The following MRPL30 variants were observed in gnomAD, a reference collection of about 807,000 sequenced individuals.
The protein encoded by MRPL30 is mitochondrial ribosomal protein L30, also known as large ribosomal subunit protein uL30m.
A neutral mutation model predicts 17.2 loss-of-function variants in MRPL30; 10 were observed. The observed-to-expected ratio is 0.58, with a 90% CI of 0.36 to 0.99. The LOEUF (loss-of-function observed/expected upper bound fraction) is 0.99, where lower values mean the gene tolerates loss of function less well. Among genes scored for constraint, MRPL30 ranks in the 50% least tolerant of loss-of-function variants. The pLI, the probability that MRPL30 is intolerant of heterozygous loss-of-function variation, is 0.01. For missense variants in MRPL30, 170 were observed against 189.8 expected, an observed-to-expected ratio of 0.90 and a Z score of 0.61; for synonymous variants, 61 against 62.1, an observed-to-expected ratio of 0.98 and a Z score of 0.08.
At chr2:99,182,512 G>C (rs183512577) in intron 1 of MRPL30, among the ~76,000 whole-genome samples, 3 of 152,244 alleles carry the variant, frequency 2.0e-5, no homozygotes, top group Admixed American at 1.3e-4. Context: ...CCCAGATCGT[G>C]CCACTGCACT....
intron 5 of MRPL30, 138 bp from the exon 6 acceptor site, chr2:99,195,433 ATT>A: frequency 9.6e-7 from 1 of 1,041,986 alleles, no homozygotes; most frequent in South Asian, 1.6e-5. Flanking sequence ...GACATTTACC[ATT>A]TCTTCATGTT....
At chr2:99,182,852 T>C (rs2093927533) in intron 1 of MRPL30, among the ~76,000 whole-genome samples, 1 of 152,184 alleles carries the variant, frequency 6.6e-6, no homozygotes, top group Admixed American at 6.5e-5. Flanking sequence ...AACAACAAAA[T>C]CTAAAAACCC....
chr2:99,187,993 A>G (rs116262315), intron 2 of MRPL30, among the ~76,000 whole-genome samples, 184 bp from the exon 3 acceptor site: 2,383 of 152,300 alleles, frequency 0.016, 52 homozygotes, highest in African/African-American at 0.053. Context: ...GTATATTTAT[A>G]TGCTTTTAGC....
At chr2:99,183,028 G>A (rs543128518) in intron 1 of MRPL30, among the ~76,000 whole-genome samples, 19 of 152,140 alleles carry the variant, frequency 1.2e-4, no homozygotes, top group Non-Finnish European at 2.4e-4. Context: ...TGTGATCTGG[G>A]TTGACCTCAT....
rs2093955724 is a variant in MRPL30, at chr2:99,196,694, C to T, written c.*989C>T. ...TGCAAGGTGTTGGAGAAATCCAAAG[C>T]TGACCAAAACATGGTCCCCACCTTT... On this transcript the variant is annotated 3_prime_UTR_variant, in exon 6 of 6. Coordinates refer to ENST00000338148, the MANE Select transcript of MRPL30 (RefSeq NM_145212.4). 2.0e-5 allele frequency: 3 copies of T among 152,232 alleles called. No individual in the cohort carries two copies. In the South Asian group the frequency reaches 6.2e-4, roughly 32 times the overall value. 9.4% of individuals were successfully genotyped at this position (152,232 alleles called of 1,614,324 possible). A position where few individuals can be genotyped will look rare whatever the true frequency, so the allele number is the denominator to read the frequency against.
chr2:99,187,906 G>T (rs2093936686), intron 2 of MRPL30, among the ~76,000 whole-genome samples: 1 of 152,152 alleles, frequency 6.6e-6, no homozygotes, highest in Admixed American at 6.5e-5. Flanking sequence ...TGGCAATGGA[G>T]ACTACATAGC....
intron 3 of MRPL30, among the ~76,000 whole-genome samples, chr2:99,194,177 C>T (rs547998425): frequency 4.5e-4 from 68 of 152,126 alleles, no homozygotes; most frequent in African/African-American, 1.6e-3. Context: ...CAGTGTTACA[C>T]ATAGTGTTAG....
intron 3 of MRPL30, among the ~76,000 whole-genome samples, chr2:99,192,801 G>A (rs1306773877): frequency 3.3e-5 from 5 of 152,136 alleles, no homozygotes; most frequent in Admixed American, 3.3e-4. Flanking sequence ...GATCCTTGAG[G>A]AATCACCACA....
intron 1 of MRPL30, among the ~76,000 whole-genome samples, chr2:99,182,506 G>T (rs2093926191): frequency 6.6e-6 from 1 of 152,268 alleles, no homozygotes; most frequent in Non-Finnish European, 1.5e-5. Flanking sequence ...AGTGAACCCA[G>T]ATCGTGCCAC....
chr2:99,184,919 C>T (rs1040658459), intron 1 of MRPL30, among the ~76,000 whole-genome samples: 7 of 152,154 alleles, frequency 4.6e-5, no homozygotes, highest in Admixed American at 2.0e-4. Context: ...TGAATTACAA[C>T]ACTTAGCCTA....
chr2:99,191,454 G>A (rs575657250), intron 3 of MRPL30, among the ~76,000 whole-genome samples: 1 of 152,270 alleles, frequency 6.6e-6, no homozygotes, highest in South Asian at 2.1e-4. Flanking sequence ...ATAAAAAAGA[G>A]GGTGCGTCTC....
intron 1 of MRPL30, among the ~76,000 whole-genome samples, chr2:99,182,326 C>T (rs1246881201): frequency 6.6e-6 from 1 of 152,152 alleles, no homozygotes; most frequent in Non-Finnish European, 1.5e-5. Context: ...GAGGCCGAGG[C>T]GGGAGGATCA....
chr2:99,190,680 T>TA (rs2093943481), intron 3 of MRPL30, among the ~76,000 whole-genome samples: 1 of 152,248 alleles, frequency 6.6e-6, no homozygotes, highest in Admixed American at 6.5e-5. Context: ...GAAGGATAGA[T>TA]ACAAATGTTG....
chr2:99,181,774 G>A (rs1026755041), intron 1 of MRPL30, among the ~76,000 whole-genome samples: 5 of 151,846 alleles, frequency 3.3e-5, no homozygotes, highest in African/African-American at 1.2e-4. Flanking sequence ...TGCCCTTTTT[G>A]CCAAGAGGCA....
At position 99,195,176 on chromosome 2, in the gene MRPL30, A is replaced by G. The variant is rs1277417966; in HGVS notation, c.340A>G (p.Lys114Glu). The G allele has an allele frequency of 6.2e-7, 1 of 1,607,238 alleles. No individual in the cohort carries two copies. Among genetic ancestry groups the G allele is most frequent in the Non-Finnish European group, 8.5e-7 (1 of 1,176,668 alleles). Residue 114 changes from lysine to glutamate, a missense_variant, in exon 5 of 6, where the codon AAG becomes GAG. Lys to Glu is a moderately conservative substitution (Grantham distance 56). Transcript: ENST00000338148. ...AGTGAATGCAAAATTGAAAGTAGTTAAGCATTTGATAAGGTTTGTTGTTTC... is the reference window on the plus strand; with the variant it reads ...AGTGAATGCAAAATTGAAAGTAGTTGAGCATTTGATAAGGTTTGTTGTTTC... ...PSVNAKLKVV[K>E]HLIRIKPLKL...
chr2:99,197,836 G>GA lies in MRPL30; in HGVS notation c.*2131_*2132insA, dbSNP rs386390715. On this transcript the variant is annotated 3_prime_UTR_variant, in exon 6 of 6. Coordinates refer to ENST00000338148, the MANE Select transcript of MRPL30 (RefSeq NM_145212.4). ...TTTTTAAAATTTTTTGTAGAGCCAA[G>GA]TGTTGCTATGTTGTCCACACTGATC... 8.3e-5 allele frequency among the ~76,000 whole-genome samples: 2 copies of GA among 24,198 alleles called. No individual in the cohort carries two copies. Among genetic ancestry groups the GA allele is most frequent in the Non-Finnish European group, 2.4e-4 (2 of 8,276 alleles). 15.9% of individuals were successfully genotyped at this position (24,198 alleles called of 152,430 possible).
At chr2:99,189,903 A>G (rs1287393530) in intron 3 of MRPL30, among the ~76,000 whole-genome samples, 1 of 151,762 alleles carries the variant, frequency 6.6e-6, no homozygotes, top group Non-Finnish European at 1.5e-5. Context: ...CTGAAACTCT[A>G]TATCCACTAA....
chr2:99,195,659 T>C lies in MRPL30; in HGVS notation c.440T>C (p.Val147Ala). ...TCLKSTGELV[V>A]QWHLKPVEQK... Reference sequence around the variant, plus strand: ...CTCAAAAGCACTGGGGAGTTAGTAGTGCAGTGGCATCTGAAACCTGTGGAG... The same window carrying C: ...CTCAAAAGCACTGGGGAGTTAGTAGCGCAGTGGCATCTGAAACCTGTGGAG... The change falls in exon 6 of 6, where the codon GTG (valine) becomes GCG (alanine). Residue 147 changes from valine (V) to alanine (A), a missense_variant. Physicochemically the swap from Val to Ala is moderately conservative, Grantham distance 64 (BLOSUM62 0). Transcript: ENST00000338148. The C allele has an allele frequency of 2.5e-6, 4 of 1,613,752 alleles. No homozygotes were observed. The highest frequency in any genetic ancestry group is 3.4e-6 in the Non-Finnish European group (4 of 1,179,920).
chr2:99,186,344 T>C, intron 2 of MRPL30, 90 bp downstream of exon 2: 1 of 1,276,024 alleles, frequency 7.8e-7, no homozygotes, highest in East Asian at 2.4e-5. Flanking sequence ...CTTTTTTTTA[T>C]TTTTTTGAGA....
Sources: gnomAD v4.1 joint callset for allele counts (sites outside exome capture counted in the v4.1 genomes callset) on GRCh38, gnomAD v4.1.1 for gene constraint, MANE v1.5 for transcripts, NCBI Gene and HGNC (gene_info 2026-07-23, HGNC 2026-07-21) for gene names.